SH3RF3: variants seen among roughly 807,000 people sequenced by gnomAD.
SH3RF3 encodes SH3 domain containing ring finger 3, also known as E3 ubiquitin-protein ligase SH3RF3.
Under a neutral mutation model 66.3 loss-of-function variants are expected in SH3RF3, and 29 were observed. The ratio of observed to expected loss-of-function variants is 0.44; its 90% confidence interval spans 0.33 to 0.60. The LOEUF (loss-of-function observed/expected upper bound fraction) is 0.60. Ranked by LOEUF, SH3RF3 falls within the 20% of genes least tolerant of loss-of-function variation. The probability of loss-of-function intolerance (pLI) is 0.04; values close to 1 mark genes in which losing one functional copy is unlikely to be tolerated. For synonymous variants in SH3RF3, 583 were observed against 532.0 expected, an observed-to-expected ratio of 1.10 and a Z score of -1.32; for missense variants, 1,194 against 1,190.9, an observed-to-expected ratio of 1.00 and a Z score of -0.04.
intron 5 of SH3RF3, among the ~76,000 whole-genome samples, chr2:109,430,256 C>T (rs1021504029): frequency 6.6e-6 from 1 of 152,234 alleles, no homozygotes; most frequent in South Asian, 2.1e-4. Context: ...ACTGTTTTGA[C>T]ACCATAAAGC....
chr2:109,498,500 G>A (rs1679308265), intron 9 of SH3RF3, among the ~76,000 whole-genome samples: 1 of 152,194 alleles, frequency 6.6e-6, no homozygotes, highest in Non-Finnish European at 1.5e-5. Context: ...CAAAGCCATG[G>A]CTTCTGCGCC....
chr2:109,345,303 A>G (rs1450249136), intron 1 of SH3RF3, among the ~76,000 whole-genome samples: 1 of 152,038 alleles, frequency 6.6e-6, no homozygotes, highest in Non-Finnish European at 1.5e-5. Context: ...GCCAGAAAGG[A>G]AACACAGTGT....
chr2:109,332,112 T>A, intron 1 of SH3RF3, among the ~76,000 whole-genome samples: 1 of 152,136 alleles, frequency 6.6e-6, no homozygotes, highest in Non-Finnish European at 1.5e-5. Context: ...AGCATAGACA[T>A]TGGCCAAGGC....
At chr2:109,159,903 A>G (rs572431158) in intron 1 of SH3RF3, among the ~76,000 whole-genome samples, 36 of 152,298 alleles carry the variant, frequency 2.4e-4, no homozygotes, top group African/African-American at 6.7e-4. Context: ...CATGGCTCCA[A>G]CTGATTCTAC....
At chr2:109,384,132 C>T (rs1011625161) in intron 3 of SH3RF3, among the ~76,000 whole-genome samples, 8 of 152,214 alleles carry the variant, frequency 5.3e-5, no homozygotes, top group Admixed American at 6.5e-5. Flanking sequence ...GGGCAGTGCC[C>T]TCCCCACAGT....
chr2:109,370,602 C>T (rs911469849), intron 2 of SH3RF3, among the ~76,000 whole-genome samples: 6 of 152,088 alleles, frequency 3.9e-5, no homozygotes, highest in African/African-American at 9.7e-5. Flanking sequence ...TCTCTGGTCA[C>T]GTCCCACTGT....
At chr2:109,223,011 G>C (rs895779570) in intron 1 of SH3RF3, among the ~76,000 whole-genome samples, 8 of 152,216 alleles carry the variant, frequency 5.3e-5, no homozygotes, top group Non-Finnish European at 1.5e-5. Flanking sequence ...AGGGTGAAGA[G>C]GGCACTGTCC....
In SH3RF3 at chr2:109,403,390, A is replaced by C. The variant is rs1240989610; in HGVS notation, c.1299+4447A>C. Among the ~76,000 whole-genome samples, 3 of 152,144 alleles carry C rather than the reference A, an allele frequency of 2.0e-5. No individual in the cohort carries two copies. The East Asian group carries it at 5.8e-4, about 29-fold the overall frequency. On this transcript the variant is annotated intron_variant, in intron 4 of 9. Coordinates refer to ENST00000309415, the MANE Select transcript of SH3RF3 (RefSeq NM_001099289.3). ...GGCCCACCTCACCCCACAGTGAGCC[A>C]ATTGTTCATTGTTTCCACTTCAGAG...
At chr2:109,416,744 A>G (rs992142938) in intron 4 of SH3RF3, among the ~76,000 whole-genome samples, 1 of 151,788 alleles carries the variant, frequency 6.6e-6, no homozygotes, top group South Asian at 2.1e-4. Context: ...CAACAACAAC[A>G]ACGAACAAAA....
rs1681417887 is a variant in SH3RF3 at position 109,300,076 on chromosome 2, T to A, written c.574-47598T>A. Among the ~76,000 whole-genome samples the A allele has an allele frequency of 2.6e-5, 4 of 152,176 alleles. No individual in the cohort carries two copies. The South Asian group carries it at 8.3e-4, about 32-fold the overall frequency. ...GTGAATGAACAAAGCTTACACAGTG[T>A]TGGGTGAGCAGCAAGGATAAGAGAG... On this transcript the variant is annotated intron_variant, in intron 1 of 9. Transcript: ENST00000309415.
rs1287141831 is a variant in SH3RF3, at chr2:109,347,700, G to A, written c.600G>A (p.Lys200=). 6.2e-7 allele frequency: 1 copy of A among 1,613,866 alleles called. No homozygotes were observed. Among genetic ancestry groups the A allele is most frequent in the South Asian group, 1.1e-5 (1 of 91,058 alleles). The change falls in exon 2 of 10, where the codon AAG becomes AAA. Residue 200 remains lysine, a synonymous_variant. Transcript: ENST00000309415. ...AKNPCLLPYG[K]ALYSYEGKEP... ...ATCCCTGCCTGCTTCCCTATGGCAAGGCCCTCTACAGCTACGAGGGGAAGG... is the reference window on the plus strand; with the variant it reads ...ATCCCTGCCTGCTTCCCTATGGCAAAGCCCTCTACAGCTACGAGGGGAAGG...
chr2:109,463,748 T>A (rs536320189), intron 8 of SH3RF3, among the ~76,000 whole-genome samples: 2 of 152,310 alleles, frequency 1.3e-5, no homozygotes, highest in East Asian at 3.9e-4. Context: ...TGCAAATGTT[T>A]GTTTTAGGAA....
At chr2:109,216,842 A>G (rs529363941) in intron 1 of SH3RF3, among the ~76,000 whole-genome samples, 16 of 152,348 alleles carry the variant, frequency 1.1e-4, no homozygotes, top group African/African-American at 2.2e-4. Flanking sequence ...GTTCAGTGGC[A>G]TTAAGCACAT....
chr2:109,394,300 G>T (rs1676083160), intron 3 of SH3RF3, among the ~76,000 whole-genome samples: 2 of 152,224 alleles, frequency 1.3e-5, no homozygotes, highest in Admixed American at 1.3e-4. Flanking sequence ...GAGACCATAG[G>T]GTGGTAAGCG....
intron 3 of SH3RF3, among the ~76,000 whole-genome samples, chr2:109,372,002 C>G (rs1031797345): frequency 6.6e-6 from 1 of 152,186 alleles, no homozygotes; most frequent in Non-Finnish European, 1.5e-5. Flanking sequence ...CCATGCTTCT[C>G]CAACTCCCCC....
chr2:109,220,905 G>A (rs776408935), intron 1 of SH3RF3, among the ~76,000 whole-genome samples: 61 of 152,232 alleles, frequency 4.0e-4, no homozygotes, highest in Non-Finnish European at 8.8e-5. Flanking sequence ...TAATCCAGCA[G>A]TTCTATTCCT....
intron 1 of SH3RF3, among the ~76,000 whole-genome samples, chr2:109,169,468 G>A (rs533119219): frequency 3.4e-4 from 51 of 152,172 alleles, no homozygotes; most frequent in African/African-American, 1.2e-3. Flanking sequence ...TGAATTGTCG[G>A]GGAGGAAGCT....
intron 1 of SH3RF3, among the ~76,000 whole-genome samples, chr2:109,145,057 A>C (rs1677060019): frequency 6.6e-6 from 1 of 152,228 alleles, no homozygotes; most frequent in Non-Finnish European, 1.5e-5. Context: ...GAAGCTCGTA[A>C]GCAGAGTGTT....
chr2:109,325,203 T>C (rs1682123641), intron 1 of SH3RF3, among the ~76,000 whole-genome samples: 1 of 152,092 alleles, frequency 6.6e-6, no homozygotes, highest in South Asian at 2.1e-4. Context: ...GTGTCTCACT[T>C]CATCCCTCCA....
Sources: gnomAD v4.1 joint callset for allele counts (sites outside exome capture counted in the v4.1 genomes callset) on GRCh38, gnomAD v4.1.1 for gene constraint, MANE v1.5 for transcripts, NCBI Gene and HGNC (gene_info 2026-07-23, HGNC 2026-07-21) for gene names.